CLUL1: variants seen among roughly 807,000 people sequenced by gnomAD.
CLUL1 encodes clusterin like 1, also known as clusterin-like protein 1.
A neutral mutation model predicts 49.4 loss-of-function variants in CLUL1; 43 were observed. The ratio of observed to expected loss-of-function variants is 0.87; its 90% CI spans 0.68 to 1.12. The LOEUF (loss-of-function observed/expected upper bound fraction) is 1.12, where lower values mean the gene tolerates loss of function less well. Among genes scored for constraint, CLUL1 ranks in the 50% most tolerant of loss-of-function variants. The probability of loss-of-function intolerance (pLI) is 0.00; values close to 1 mark genes in which losing one functional copy is unlikely to be tolerated. For synonymous variants in CLUL1, 192 were observed against 184.9 expected (o/e 1.04, Z -0.31); for missense variants, 486 against 544.4 (o/e 0.89, Z 1.07).
chr18:642,215 G>T (rs2074362586), intron 8 of CLUL1, among the ~76,000 whole-genome samples: 1 of 152,170 alleles, frequency 6.6e-6, no homozygotes. Flanking sequence ...TGGATCACTT[G>T]AGGTCAGGAG....
chr18:598,444 C>G (rs1277405873), intron 1 of CLUL1: 3 of 397,948 alleles, frequency 7.5e-6, no homozygotes, highest in South Asian at 1.3e-4. Flanking sequence ...CTTTCGACAG[C>G]CTGGAGTCTC....
intron 1 of CLUL1, among the ~76,000 whole-genome samples, chr18:599,991 A>G (rs957061385): frequency 4.3e-4 from 65 of 152,056 alleles, no homozygotes; most frequent in African/African-American, 1.5e-3. Flanking sequence ...CGAAGTATGA[A>G]CTGAATTATT....
At chr18:636,965 G>GT (rs969455694) in intron 7 of CLUL1, among the ~76,000 whole-genome samples, 10 of 145,230 alleles carry the variant, frequency 6.9e-5, no homozygotes, top group South Asian at 2.2e-4. Flanking sequence ...TGGGTTCTTT[G>GT]TTTTTTTTGT....
At chr18:626,921 A>G (rs867802098) in intron 5 of CLUL1, among the ~76,000 whole-genome samples, 176 bp from the exon 6 acceptor site, 39 of 958 alleles carry the variant, frequency 0.041, 3 homozygotes, top group South Asian at 0.5. Flanking sequence ...GAAAGAAAGA[A>G]AGAAAGAAGG....
In CLUL1 at chr18:618,170, T is replaced by TAGTGAGTCGCAGTTGAA; in HGVS notation, c.106+80_106+81insAAGTGAGTCGCAGTTGA. The TAGTGAGTCGCAGTTGAA allele has an allele frequency of 1.6e-6, 2 of 1,222,544 alleles. No individual in the cohort carries two copies. Among genetic ancestry groups the TAGTGAGTCGCAGTTGAA allele is most frequent in the Non-Finnish European group, 2.4e-6 (2 of 829,146 alleles). The allele number at this position is 1,222,544 out of a possible 1,614,324, so 75.7% of individuals were successfully genotyped here. A position where few individuals can be genotyped will look rare whatever the true frequency, so the allele number is the denominator to read the frequency against. On this transcript the variant is annotated intron_variant, in intron 3 of 9. Coordinates refer to ENST00000692774, the MANE Select transcript of CLUL1 (RefSeq NM_001393344.1). This position sits in a 1 kb window ranked among gnomAD's most constrained non-coding sequence, Gnocchi z 4.2. ...ATGTTGGTTGTCCTGCTGGCGTTTA[T>TAGTGAGTCGCAGTTGAA]AGTGAGTCGCAGTTGAGAGATAACC...
rs557097973 is a variant in CLUL1 at position 637,145 on chromosome 18, C to A, written c.994+3710C>A. On this transcript the variant is annotated intron_variant, in intron 7 of 9. Coordinates refer to ENST00000692774, the MANE Select transcript of CLUL1 (RefSeq NM_001393344.1). ...GGGACTACAGGCGCCCGCCACCATG[C>A]CCGGCTAAATTTTTGTATTTTTAGT... 1.2e-4 allele frequency among the ~76,000 whole-genome samples: 18 copies of A among 152,154 alleles called. No individual in the cohort carries two copies. The South Asian group carries it at 3.7e-3, about 32-fold the overall frequency.
At chr18:603,085 G>A (rs1454370216) in intron 1 of CLUL1, among the ~76,000 whole-genome samples, 1 of 152,184 alleles carries the variant, frequency 6.6e-6, no homozygotes, top group Non-Finnish European at 1.5e-5. Context: ...GAATCAACTA[G>A]ATGGATTTAA....
chr18:607,249 T>C, intron 2 of CLUL1, 150 bp downstream of exon 2: 1 of 588,280 alleles, frequency 1.7e-6, no homozygotes, highest in Non-Finnish European at 3.1e-6. Flanking sequence ...TGCCTCAGCC[T>C]CCCTACTAGC....
chr18:646,916 A>AT (rs1351735592), intron 9 of CLUL1, among the ~76,000 whole-genome samples: 1 of 151,694 alleles, frequency 6.6e-6, no homozygotes, highest in Non-Finnish European at 1.5e-5. Context: ...TGCCTGGCTA[A>AT]TTTTTGTGTT....
At chr18:643,151 A>C (rs932188211) in intron 8 of CLUL1, among the ~76,000 whole-genome samples, 1 of 152,220 alleles carries the variant, frequency 6.6e-6, no homozygotes, top group Non-Finnish European at 1.5e-5. Flanking sequence ...AATAGGACAA[A>C]GTAGAAAATA....
At chr18:614,070 T>C (rs910782585) in intron 2 of CLUL1, among the ~76,000 whole-genome samples, 1 of 152,176 alleles carries the variant, frequency 6.6e-6, no homozygotes. Context: ...GACAGGACCA[T>C]GAGACAATCG....
chr18:605,666 G>T (rs2072951865), intron 1 of CLUL1, among the ~76,000 whole-genome samples: 1 of 151,972 alleles, frequency 6.6e-6, no homozygotes, highest in African/African-American at 2.4e-5. Flanking sequence ...CAGTATAGTG[G>T]TTTTTTTGTT....
chr18:610,712 C>T (rs1383049613), intron 2 of CLUL1, among the ~76,000 whole-genome samples: 1 of 152,030 alleles, frequency 6.6e-6, no homozygotes, highest in East Asian at 1.9e-4. Flanking sequence ...ACACATAGTA[C>T]GTAGTAGACA....
Position 639,711 on chromosome 18 carries a change from G to T in CLUL1, c.995-1616G>T, listed in dbSNP as rs150366049. Reference sequence around the variant, plus strand: ...TCCCAGGAAGCAGAGGTTGCAGTGAGCCAAGATTGTGTCACTGCACTCCTG... The same window carrying T: ...TCCCAGGAAGCAGAGGTTGCAGTGATCCAAGATTGTGTCACTGCACTCCTG... On this transcript the variant is annotated intron_variant, in intron 7 of 9. Coordinates refer to ENST00000692774, the MANE Select transcript of CLUL1 (RefSeq NM_001393344.1). Among the ~76,000 whole-genome samples, 901 of 152,182 alleles carry T rather than the reference G, an allele frequency of 5.9e-3. 7 individuals carry two copies. The highest frequency in any genetic ancestry group is 0.02 in the African/African-American group (851 of 41,540).
At chr18:644,208 G>A (rs1433569524) in intron 8 of CLUL1, among the ~76,000 whole-genome samples, 2 of 152,130 alleles carry the variant, frequency 1.3e-5, no homozygotes, top group Non-Finnish European at 2.9e-5. Flanking sequence ...AGAAAGAGAA[G>A]GGAAAAATTT....
At chr18:597,264 A>G (rs927454460) in intron 1 of CLUL1, 135 bp downstream of exon 1, 2 of 152,722 alleles carry the variant, frequency 1.3e-5, no homozygotes, top group African/African-American at 2.4e-5. Flanking sequence ...GGACAGAACA[A>G]AGCCACTGTT....
intron 4 of CLUL1, among the ~76,000 whole-genome samples, chr18:620,720 C>CAT (rs1299156157): frequency 6.6e-6 from 1 of 152,158 alleles, no homozygotes; most frequent in Admixed American, 6.5e-5. Flanking sequence ...ATGGAGAATA[C>CAT]ATATTATATT....
chr18:617,912 C>T (rs1237559211), intron 2 of CLUL1, 76 bp from the exon 3 acceptor site: 1 of 1,196,174 alleles, frequency 8.4e-7, no homozygotes, highest in African/African-American at 1.5e-5. Flanking sequence ...TTTGGAGCCC[C>T]AGGTGTTTTC....
intron 8 of CLUL1, among the ~76,000 whole-genome samples, chr18:643,066 C>T (rs2074385518): frequency 1.3e-5 from 2 of 152,032 alleles, no homozygotes; most frequent in South Asian, 4.1e-4. Context: ...TGGATCATGC[C>T]TGATTTGAGA....
Sources: gnomAD v4.1 joint callset for allele counts (sites outside exome capture counted in the v4.1 genomes callset) on GRCh38, gnomAD v4.1.1 for gene constraint, Gnocchi (gnomAD v3.1) non-coding constraint, MANE v1.5 for transcripts, NCBI Gene and HGNC (gene_info 2026-07-23, HGNC 2026-07-21) for gene names.